The following RAPGEF2 variants were observed in gnomAD, a reference collection of about 807,000 sequenced individuals.
RAPGEF2 encodes the protein PDZ domain containing guanine nucleotide exchange factor (GEF) 1.
RAPGEF2 carries 54 observed loss-of-function variants against 186.7 expected under a neutral mutation model. The ratio of observed to expected loss-of-function variants is 0.29; its 90% CI spans 0.23 to 0.36. The LOEUF is 0.36. RAPGEF2 is among the 10% of genes least tolerant of loss of function. The pLI, the probability that RAPGEF2 is intolerant of heterozygous loss-of-function variation, is 1.00. For synonymous variants in RAPGEF2, 712 were observed against 705.9 expected (o/e 1.01, Z -0.14); for missense variants, 1,532 against 2,045.0 (o/e 0.75, Z 4.84).
intron 7 of RAPGEF2, among the ~76,000 whole-genome samples, chr4:159,252,250 A>G (rs1755541517): frequency 6.6e-6 from 1 of 152,164 alleles, no homozygotes; most frequent in African/African-American, 2.4e-5. Flanking sequence ...GGGTTTCGCC[A>G]TATTGCCCAG....
intron 1 of RAPGEF2, among the ~76,000 whole-genome samples, chr4:159,135,912 T>C (rs1741671757): frequency 6.6e-6 from 1 of 152,226 alleles, no homozygotes; most frequent in Non-Finnish European, 1.5e-5. Flanking sequence ...ATTCCTTGTT[T>C]TGAAATAAAT....
At chr4:159,119,174 C>G (rs1265646431) in intron 1 of RAPGEF2, among the ~76,000 whole-genome samples, 9 of 152,012 alleles carry the variant, frequency 5.9e-5, no homozygotes, top group Non-Finnish European at 1.3e-4. Context: ...TAAAGGTAGA[C>G]AGTGCAGGGT....
intron 1 of RAPGEF2, among the ~76,000 whole-genome samples, chr4:159,180,260 T>G (rs1048500844): frequency 6.6e-6 from 1 of 152,218 alleles, no homozygotes; most frequent in African/African-American, 2.4e-5. Context: ...GCATGTCTTT[T>G]GCTTATCTCT....
chr4:159,276,194 CA>C (rs1426794043), intron 7 of RAPGEF2, among the ~76,000 whole-genome samples: 3 of 152,080 alleles, frequency 2.0e-5, no homozygotes, highest in Non-Finnish European at 4.4e-5. Flanking sequence ...GGAAGTTCAG[CA>C]AAATTGAGCA....
At chr4:159,216,123 A>G (rs1207898513) in intron 4 of RAPGEF2, among the ~76,000 whole-genome samples, 3 of 152,212 alleles carry the variant, frequency 2.0e-5, no homozygotes, top group African/African-American at 7.2e-5. Context: ...ATTTTAAAAC[A>G]TTAATTGAAA....
chr4:159,109,696 A>G (rs1316358151), intron 1 of RAPGEF2, among the ~76,000 whole-genome samples: 1 of 152,164 alleles, frequency 6.6e-6, no homozygotes, highest in Non-Finnish European at 1.5e-5. Flanking sequence ...ACTGAAGAGG[A>G]TGTGGACTTC....
intron 1 of RAPGEF2, among the ~76,000 whole-genome samples, chr4:159,142,480 G>T (rs904578976): frequency 6.6e-6 from 1 of 150,920 alleles, no homozygotes; most frequent in Non-Finnish European, 1.5e-5. Context: ...CAGCTGCTGT[G>T]GGGGAAGGGT....
rs1732403789 is a variant in RAPGEF2 at position 159,358,783 on chromosome 4, A to C, written c.*644A>C. On this transcript the variant is annotated 3_prime_UTR_variant, in exon 30 of 30. Transcript: ENST00000691494. ...TAGGGTTGCCAGCCTGGTTTCTGAA[A>C]AACCAAATATGCCGGACAGGGTGTG... The C allele has an allele frequency of 6.6e-6, 1 of 152,378 alleles. No individual in the cohort carries two copies. Among genetic ancestry groups the C allele is most frequent in the South Asian group, 2.1e-4 (1 of 4,826 alleles). The allele number at this position is 152,378 out of a possible 1,614,324, so 9.4% of individuals were successfully genotyped here. A position where few individuals can be genotyped will look rare whatever the true frequency, so the allele number is the denominator to read the frequency against.
At chr4:159,299,390 T>C (rs1579830149) in intron 7 of RAPGEF2, among the ~76,000 whole-genome samples, 1 of 150,870 alleles carries the variant, frequency 6.6e-6, no homozygotes, top group Admixed American at 6.6e-5. Context: ...CCTAAGATGA[T>C]GATGATATGT....
intron 1 of RAPGEF2, among the ~76,000 whole-genome samples, chr4:159,104,527 G>GAGA (rs1560964822): frequency 0.04 from 3,563 of 88,270 alleles, 189 homozygotes; most frequent in South Asian, 0.055. Flanking sequence ...AGAGAGAGAG[G>GAGA]GAGAGACAGA....
intron 28 of RAPGEF2, among the ~76,000 whole-genome samples, chr4:159,355,587 C>T (rs1313148176): frequency 2.0e-5 from 3 of 152,120 alleles, no homozygotes; most frequent in Admixed American, 6.5e-5. Flanking sequence ...AATGGACAAG[C>T]AGCCCATTTA....
At chr4:159,250,989 C>T (rs1245824185) in intron 7 of RAPGEF2, among the ~76,000 whole-genome samples, 1 of 152,224 alleles carries the variant, frequency 6.6e-6, no homozygotes, top group African/African-American at 2.4e-5. Flanking sequence ...TCCCAGTGGG[C>T]ACAGGCTTAG....
At chr4:159,218,267 G>A (rs535565029) in intron 4 of RAPGEF2, among the ~76,000 whole-genome samples, 64 of 152,170 alleles carry the variant, frequency 4.2e-4, no homozygotes, top group Middle Eastern at 3.2e-3. Flanking sequence ...TAGGAGGGTG[G>A]TGATTGGAGA....
chr4:159,152,287 C>T (rs962326626), intron 1 of RAPGEF2, among the ~76,000 whole-genome samples: 7 of 151,988 alleles, frequency 4.6e-5, no homozygotes, highest in Non-Finnish European at 8.8e-5. Context: ...CACCACTGCA[C>T]TCTAGGATGG....
intron 6 of RAPGEF2, among the ~76,000 whole-genome samples, chr4:159,242,744 A>T (rs1754161247): frequency 6.6e-6 from 1 of 151,998 alleles, no homozygotes; most frequent in South Asian, 2.1e-4. Flanking sequence ...TTTAGGGTTG[A>T]TGTAGCATTA....
chr4:159,260,952 A>G (rs1012350227), intron 7 of RAPGEF2, among the ~76,000 whole-genome samples: 6 of 152,138 alleles, frequency 3.9e-5, no homozygotes, highest in East Asian at 1.9e-4. Context: ...GTTTGTCCAT[A>G]TTGGTCAGGC....
At position 159,198,434 on chromosome 4, in the gene RAPGEF2, T is replaced by C. The variant is rs66887638; in HGVS notation, c.197+5178T>C. 3.0e-3 allele frequency among the ~76,000 whole-genome samples: 210 copies of C among 70,108 alleles called. 3 individuals are homozygous for C. The highest frequency in any genetic ancestry group is 4.5e-3 in the Non-Finnish European group (123 of 27,052). 46.0% of individuals were successfully genotyped at this position (70,108 alleles called of 152,430 possible). On this transcript the variant is annotated intron_variant, in intron 3 of 29. Transcript: ENST00000691494. Reference sequence around the variant, plus strand: ...TCTTCCTCTCTCTCTCTCTCTCTCTTTCTTTCTTTCTTCTTACTGTTTTTT... The same window carrying C: ...TCTTCCTCTCTCTCTCTCTCTCTCTCTCTTTCTTTCTTCTTACTGTTTTTT...
intron 7 of RAPGEF2, among the ~76,000 whole-genome samples, chr4:159,282,917 T>G (rs1170398893): frequency 6.6e-6 from 1 of 152,228 alleles, no homozygotes; most frequent in Non-Finnish European, 1.5e-5. Context: ...AGTTCTATAC[T>G]TCCTATAACT....
intron 10 of RAPGEF2, among the ~76,000 whole-genome samples, 160 bp from the exon 11 acceptor site, chr4:159,323,299 T>G (rs1765485478): frequency 1.3e-5 from 2 of 152,218 alleles, no homozygotes; most frequent in South Asian, 4.1e-4. Context: ...TGGCTGTGTT[T>G]TATTCCTTAT....
Sources: gnomAD v4.1 joint callset for allele counts (sites outside exome capture counted in the v4.1 genomes callset) on GRCh38, gnomAD v4.1.1 for gene constraint, MANE v1.5 for transcripts, NCBI Gene and HGNC (gene_info 2026-07-23, HGNC 2026-07-21) for gene names.